The following VIT variants were observed in gnomAD, a reference collection of about 807,000 sequenced individuals.
VIT encodes the protein vitrin.
A neutral mutation model predicts 78.0 loss-of-function variants in VIT; 99 were observed. The ratio of observed to expected loss-of-function variants is 1.27; its 90% confidence interval spans 1.08 to 1.50. The LOEUF (loss-of-function observed/expected upper bound fraction) is 1.50. Ranked by LOEUF, VIT falls within the 40% of genes most tolerant of loss-of-function variation. The pLI, the probability that VIT is intolerant of heterozygous loss-of-function variation, is 0.00. For missense variants in VIT, 1,126 were observed against 875.3 expected, an observed-to-expected ratio of 1.29 and a Z score of -3.61; for synonymous variants, 374 against 334.3, an observed-to-expected ratio of 1.12 and a Z score of -1.29.
chr2:36,801,226 T>A lies in VIT; in HGVS notation c.1059-75T>A. 10 of 1,320,818 alleles carry A rather than the reference T, an allele frequency of 7.6e-6. No homozygotes were observed. The South Asian group carries it at 1.2e-4, about 16-fold the overall frequency. The allele number at this position is 1,320,818 out of a possible 1,614,324, so 81.8% of individuals were successfully genotyped here. On this transcript the variant is annotated intron_variant, in intron 12 of 15. Coordinates refer to ENST00000379242, the MANE Select transcript of VIT (RefSeq NM_053276.4). ...CAGCTTCTATTTGTATATAAAAGAA[T>A]CAACCATGATCTCTGCCTTCCTCCA...
intron 7 of VIT, among the ~76,000 whole-genome samples, chr2:36,771,525 CAA>C (rs1228263784): frequency 1.5e-5 from 1 of 66,114 alleles, no homozygotes; most frequent in African/African-American, 6.7e-5. Context: ...GACTTCATCT[CAA>C]AAAAAAAAAA....
intron 15 of VIT, among the ~76,000 whole-genome samples, chr2:36,813,770 T>G (rs959197894): frequency 3.3e-5 from 5 of 152,224 alleles, no homozygotes; most frequent in African/African-American, 1.2e-4. Context: ...TTCCCACTGG[T>G]AGAGCAGGCA....
intron 7 of VIT, among the ~76,000 whole-genome samples, chr2:36,769,900 A>AAGGCT (rs1400959226): frequency 6.6e-6 from 1 of 152,180 alleles, no homozygotes; most frequent in Non-Finnish European, 1.5e-5. Context: ...TGCCTATCTT[A>AAGGCT]AGGCTATAGA....
intron 9 of VIT, among the ~76,000 whole-genome samples, chr2:36,779,677 C>G (rs1185921636): frequency 6.6e-6 from 1 of 152,204 alleles, no homozygotes; most frequent in Non-Finnish European, 1.5e-5. Flanking sequence ...ACCATGTGTT[C>G]TCATCATTCA....
At position 36,808,671 on chromosome 2, in the gene VIT, T is replaced by G; in HGVS notation, c.1589T>G (p.Leu530Arg). The G allele has an allele frequency of 6.2e-7, 1 of 1,614,236 alleles. No individual in the cohort carries two copies. The highest frequency in any genetic ancestry group is 8.5e-7 in the Non-Finnish European group (1 of 1,180,034). The change falls in exon 15 of 16, where the codon CTC becomes CGC. Residue 530 changes from leucine to arginine, a missense_variant. Leu to Arg is a moderately radical substitution (Grantham distance 102). Transcript: ENST00000379242. ...GGGACGGGCAACTTCCGCACCGTCC[T>G]CCAGTTTGTGACCAACCTCACCAAA... ...SVGTGNFRTV[L>R]QFVTNLTKEF...
chr2:36,785,465 C>G (rs1665031450), intron 11 of VIT, among the ~76,000 whole-genome samples: 1 of 152,214 alleles, frequency 6.6e-6, no homozygotes, highest in South Asian at 2.1e-4. Context: ...ATATGAGAAT[C>G]ACATGCTGCT....
intron 1 of VIT, among the ~76,000 whole-genome samples, chr2:36,704,840 G>A (rs917481962): frequency 9.2e-5 from 14 of 151,486 alleles, no homozygotes; most frequent in African/African-American, 2.7e-4. Flanking sequence ...TCTTGCAGAC[G>A]CACCCTCATC....
chr2:36,715,561 T>G (rs1454540262), intron 1 of VIT, among the ~76,000 whole-genome samples: 2 of 151,534 alleles, frequency 1.3e-5, no homozygotes, highest in Non-Finnish European at 2.9e-5. Context: ...AAAAAAAAGA[T>G]TTAAGAAGCC....
chr2:36,729,615 C>T, intron 3 of VIT, 124 bp downstream of exon 3: 1 of 939,408 alleles, frequency 1.1e-6, no homozygotes, highest in Non-Finnish European at 1.6e-6. Flanking sequence ...TTAATTTCCA[C>T]TCAGATTAAT....
intron 14 of VIT, among the ~76,000 whole-genome samples, chr2:36,808,207 C>G (rs1666869093): frequency 6.6e-6 from 1 of 152,184 alleles, no homozygotes; most frequent in Admixed American, 6.5e-5. Context: ...TTAATTTCTC[C>G]CTATGAATTT....
At chr2:36,808,234 T>C (rs943547126) in intron 14 of VIT, among the ~76,000 whole-genome samples, 1 of 152,218 alleles carries the variant, frequency 6.6e-6, no homozygotes, top group Non-Finnish European at 1.5e-5. Flanking sequence ...CAGACAGCTT[T>C]CCACTAACGC....
At chr2:36,779,692 C>T (rs552599869) in intron 9 of VIT, among the ~76,000 whole-genome samples, 1 of 152,288 alleles carries the variant, frequency 6.6e-6, no homozygotes, top group Admixed American at 6.5e-5. Context: ...CATTCAGCTC[C>T]CACTTGTAAG....
intron 3 of VIT, among the ~76,000 whole-genome samples, chr2:36,733,332 G>GTC (rs1220975883): frequency 3.3e-5 from 5 of 151,254 alleles, no homozygotes; most frequent in Admixed American, 6.6e-5. Context: ...CTCTCTTGCT[G>GTC]TCTCTCTCTC....
intron 1 of VIT, among the ~76,000 whole-genome samples, chr2:36,708,018 G>C (rs59995338): frequency 2.0e-5 from 3 of 151,884 alleles, no homozygotes; most frequent in Admixed American, 2.0e-4. Context: ...TTGTGGCAAC[G>C]GGAAATGCAG....
intron 4 of VIT, among the ~76,000 whole-genome samples, chr2:36,744,893 A>C (rs543934992): frequency 3.0e-4 from 46 of 152,172 alleles, no homozygotes; most frequent in African/African-American, 1.1e-3. Context: ...CTTTGCCAAG[A>C]CCAATGTCGA....
intron 1 of VIT, among the ~76,000 whole-genome samples, chr2:36,707,411 A>G (rs1036901989): frequency 3.3e-5 from 5 of 152,114 alleles, no homozygotes; most frequent in African/African-American, 9.7e-5. Context: ...CCTCTCCCCA[A>G]AAAACACAGG....
At chr2:36,802,039 G>C (rs1221982145) in intron 13 of VIT, among the ~76,000 whole-genome samples, 3 of 152,168 alleles carry the variant, frequency 2.0e-5, no homozygotes, top group African/African-American at 4.8e-5. Context: ...TGAGAATCTT[G>C]TTCCAATCAA....
intron 4 of VIT, among the ~76,000 whole-genome samples, chr2:36,746,937 T>C (rs1668171268): frequency 6.6e-6 from 1 of 152,142 alleles, no homozygotes; most frequent in Non-Finnish European, 1.5e-5. Flanking sequence ...TATAGGCATT[T>C]TGTACTATAA....
chr2:36,701,224 C>T (rs991439270), intron 1 of VIT, among the ~76,000 whole-genome samples: 1 of 152,066 alleles, frequency 6.6e-6, no homozygotes, highest in Non-Finnish European at 1.5e-5. Flanking sequence ...TTATTTCTGT[C>T]ATTCTTGGAT....
Sources: gnomAD v4.1 joint callset for allele counts (sites outside exome capture counted in the v4.1 genomes callset) on GRCh38, gnomAD v4.1.1 for gene constraint, MANE v1.5 for transcripts, NCBI Gene and HGNC (gene_info 2026-07-23, HGNC 2026-07-21) for gene names.